The following LRRTM4 variants were observed in gnomAD, a reference collection of about 807,000 sequenced individuals.
LRRTM4 encodes the protein leucine-rich repeat transmembrane neuronal protein 4.
Under a neutral mutation model 47.6 loss-of-function variants are expected in LRRTM4, and 25 were observed. The ratio of observed to expected loss-of-function variants is 0.53; its 90% CI spans 0.38 to 0.73. The LOEUF is 0.73. Ranked by LOEUF, LRRTM4 falls within the 30% of genes least tolerant of loss-of-function variation. LRRTM4 has a pLI of 0.00. For missense variants in LRRTM4, 638 were observed against 713.4 expected, an observed-to-expected ratio of 0.89 and a Z score of 1.20; for synonymous variants, 311 against 269.5, an observed-to-expected ratio of 1.15 and a Z score of -1.51.
chr2:77,006,608 C>T (rs1677660339), intron 3 of LRRTM4, among the ~76,000 whole-genome samples: 1 of 152,028 alleles, frequency 6.6e-6, no homozygotes, highest in Admixed American at 6.6e-5. Flanking sequence ...GAGAGTAGCC[C>T]CCAGAACCTG....
intron 3 of LRRTM4, among the ~76,000 whole-genome samples, chr2:77,326,732 C>T (rs375679759): frequency 2.6e-5 from 4 of 152,114 alleles, no homozygotes; most frequent in African/African-American, 9.7e-5. Context: ...CGGATTACTC[C>T]TCTCATCATC....
At chr2:76,813,321 G>C (rs1229547087) in intron 3 of LRRTM4, among the ~76,000 whole-genome samples, 1 of 152,038 alleles carries the variant, frequency 6.6e-6, no homozygotes, top group Non-Finnish European at 1.5e-5. Flanking sequence ...GTATAATCTT[G>C]CTTCTGTCAG....
chr2:77,215,261 G>A (rs1052466403), intron 3 of LRRTM4, among the ~76,000 whole-genome samples: 7 of 152,158 alleles, frequency 4.6e-5, no homozygotes, highest in Non-Finnish European at 1.0e-4. Context: ...AATGATTATG[G>A]AAGAAGATTT....
chr2:76,751,001 T>G (rs1231478566), intron 3 of LRRTM4, among the ~76,000 whole-genome samples: 1 of 148,106 alleles, frequency 6.8e-6, no homozygotes, highest in African/African-American at 2.4e-5. Flanking sequence ...AGTATCAGAG[T>G]ATAAAGATAA....
intron 3 of LRRTM4, among the ~76,000 whole-genome samples, chr2:77,442,153 T>A (rs1426872687): frequency 6.6e-6 from 1 of 152,174 alleles, no homozygotes; most frequent in Admixed American, 6.5e-5. Flanking sequence ...AAGAACAGGA[T>A]GCTAAGTGCA....
At chr2:77,233,607 TACA>T (rs1216758667) in intron 3 of LRRTM4, among the ~76,000 whole-genome samples, 1 of 152,220 alleles carries the variant, frequency 6.6e-6, no homozygotes, top group Non-Finnish European at 1.5e-5. Context: ...ACAGTTTGAC[TACA>T]ACATTTCAGT....
At chr2:76,792,726 G>C (rs1473830339) in intron 3 of LRRTM4, among the ~76,000 whole-genome samples, 1 of 151,780 alleles carries the variant, frequency 6.6e-6, no homozygotes, top group Non-Finnish European at 1.5e-5. Context: ...CCCTACTTCA[G>C]TACATTTTTC....
At chr2:77,037,334 G>A (rs1486751663) in intron 3 of LRRTM4, among the ~76,000 whole-genome samples, 4 of 151,506 alleles carry the variant, frequency 2.6e-5, no homozygotes, top group African/African-American at 9.7e-5. Flanking sequence ...AAAGAATATG[G>A]CCCCCTATTA....
At chr2:77,100,039 C>A (rs191377740) in intron 3 of LRRTM4, among the ~76,000 whole-genome samples, 56 of 152,098 alleles carry the variant, frequency 3.7e-4, no homozygotes, top group African/African-American at 1.3e-3. Flanking sequence ...TGATTTTTCT[C>A]ATTTTTGGTG....
chr2:77,005,567 G>C (rs1487200394), intron 3 of LRRTM4, among the ~76,000 whole-genome samples: 1 of 152,196 alleles, frequency 6.6e-6, no homozygotes, highest in Non-Finnish European at 1.5e-5. Context: ...TGTCATGGAA[G>C]GGACCCAGTG....
intron 3 of LRRTM4, among the ~76,000 whole-genome samples, chr2:77,017,116 A>G (rs1678098919): frequency 6.6e-6 from 1 of 152,208 alleles, no homozygotes; most frequent in South Asian, 2.1e-4. Context: ...ATAACCCTTA[A>G]GTATCATCAG....
At chr2:76,920,751 G>C (rs1674406868) in intron 3 of LRRTM4, among the ~76,000 whole-genome samples, 1 of 152,064 alleles carries the variant, frequency 6.6e-6, no homozygotes, top group Non-Finnish European at 1.5e-5. Flanking sequence ...GTGCATGGTA[G>C]ATTCTCAACA....
intron 3 of LRRTM4, among the ~76,000 whole-genome samples, chr2:77,485,307 C>T (rs1677867204): frequency 6.6e-6 from 1 of 152,080 alleles, no homozygotes; most frequent in Admixed American, 6.6e-5. Context: ...CATGAGAAGG[C>T]ATCACAAAGT....
chr2:77,335,223 G>T (rs969806579), intron 3 of LRRTM4, among the ~76,000 whole-genome samples: 10 of 152,134 alleles, frequency 6.6e-5, no homozygotes, highest in Non-Finnish European at 1.3e-4. Flanking sequence ...TTTTATGAAA[G>T]CCTCCAAATC....
At chr2:76,815,119 A>G (rs576446508) in intron 3 of LRRTM4, among the ~76,000 whole-genome samples, 2 of 152,162 alleles carry the variant, frequency 1.3e-5, no homozygotes, top group South Asian at 4.1e-4. Flanking sequence ...ATTAAAAATA[A>G]GAAAAGAAAT....
At chr2:76,799,793 T>C (rs1675559773) in intron 3 of LRRTM4, among the ~76,000 whole-genome samples, 1 of 139,520 alleles carries the variant, frequency 7.2e-6, no homozygotes, top group African/African-American at 2.8e-5. Context: ...TCACAAGCAT[T>C]CTTATACACC....
intron 3 of LRRTM4, among the ~76,000 whole-genome samples, chr2:77,144,513 G>C (rs1245696137): frequency 1.3e-5 from 2 of 152,054 alleles, no homozygotes; most frequent in Non-Finnish European, 1.5e-5. Context: ...TGAATTACAC[G>C]GAAGAAAAAC....
rs2103732353 is a variant in LRRTM4, at chr2:76,897,434, T to A, written c.1552-148518A>T. On this transcript the variant is annotated intron_variant, in intron 3 of 3. Transcript: ENST00000409884. ...AAAACAAAAATGAATCAACTTCAAT[T>A]TTCTAAATTTTCTCATGCATAGTTT... Among the ~76,000 whole-genome samples the A allele has an allele frequency of 2.0e-5, 3 of 152,244 alleles. 1 individual carries two copies. The highest frequency in any genetic ancestry group is 3.4e-3 in the Middle Eastern group (1 of 294).
chr2:77,253,252 AC>A (rs1675671741), intron 3 of LRRTM4, among the ~76,000 whole-genome samples: 1 of 152,166 alleles, frequency 6.6e-6, no homozygotes, highest in Non-Finnish European at 1.5e-5. Flanking sequence ...AGGATCCCAT[AC>A]TTTTATTCAT....
Sources: gnomAD v4.1 joint callset for allele counts (sites outside exome capture counted in the v4.1 genomes callset) on GRCh38, gnomAD v4.1.1 for gene constraint, MANE v1.5 for transcripts, NCBI Gene and HGNC (gene_info 2026-07-23, HGNC 2026-07-21) for gene names.